The following ABCA5 variants were observed in gnomAD, a reference collection of about 807,000 sequenced individuals.
ABCA5 encodes the protein ATP binding cassette subfamily A member 5, also known as cholesterol transporter ABCA5.
A neutral mutation model predicts 206.0 loss-of-function variants in ABCA5; 163 were observed. The ratio of observed to expected loss-of-function variants is 0.79; its 90% confidence interval spans 0.70 to 0.90. The LOEUF (loss-of-function observed/expected upper bound fraction) is 0.90. ABCA5 is among the 40% of genes least tolerant of loss of function. ABCA5 has a pLI of 0.00. For synonymous variants in ABCA5, 609 were observed against 613.8 expected, an observed-to-expected ratio of 0.99 and a Z score of 0.11; for missense variants, 1,859 against 1,912.9, an observed-to-expected ratio of 0.97 and a Z score of 0.53.
At position 69,294,673 on chromosome 17, in the gene ABCA5, T is replaced by C. The variant is rs1225389096; in HGVS notation, c.1477A>G (p.Asn493Asp). Residue 493 changes from asparagine to aspartate, a missense_variant, in exon 11 of 39, where the codon AAT becomes GAT. By Grantham distance (23) the Asn-to-Asp change is conservative. Coordinates refer to ENST00000392676, the MANE Select transcript of ABCA5 (RefSeq NM_172232.4). ...IQKTYRKKGE[N>D]VEALRNLSFD... The stretch of plus-strand genomic sequence containing the variant: ...TACTTACTTCTCAAAGCCTCCACAT[T>C]TTCACCCTTCTTTCTGTATGTCTTC... 6.2e-7 allele frequency: 1 copy of C among 1,607,020 alleles called. No homozygotes were observed. Among genetic ancestry groups the C allele is most frequent in the East Asian group, 2.2e-5 (1 of 44,744 alleles).
intron 10 of ABCA5, among the ~76,000 whole-genome samples, chr17:69,294,966 A>G (rs531885189): frequency 1.5e-3 from 234 of 152,282 alleles, no homozygotes; most frequent in Non-Finnish European, 2.9e-3. Context: ...TTAATCCCCT[A>G]AAACTAATCT....
chr17:69,303,813 C>CAT (rs1400825300), intron 7 of ABCA5, among the ~76,000 whole-genome samples: 1 of 3,854 alleles, frequency 2.6e-4, no homozygotes, highest in African/African-American at 3.5e-4. Context: ...TATATACATA[C>CAT]ATATATATAT....
In ABCA5 at chr17:69,244,399, T is replaced by C. The variant is rs2074928070; in HGVS notation, c.*3138A>G. The C allele has an allele frequency of 6.6e-6, 1 of 152,040 alleles. No individual in the cohort carries two copies. Among genetic ancestry groups the C allele is most frequent in the South Asian group, 2.1e-4 (1 of 4,832 alleles). The allele number at this position is 152,040 out of a possible 1,614,324, so 9.4% of individuals were successfully genotyped here. A position where few individuals can be genotyped will look rare whatever the true frequency, so the allele number is the denominator to read the frequency against. ...AAATAACAAAGAATTCACTTCAGTATACAAAATGACTTGTCTTAAATTTTC... is the reference window on the plus strand; with the variant it reads ...AAATAACAAAGAATTCACTTCAGTACACAAAATGACTTGTCTTAAATTTTC... On this transcript the variant is annotated 3_prime_UTR_variant, in exon 39 of 39. Transcript: ENST00000392676.
chr17:69,279,235 A>T, intron 18 of ABCA5, among the ~76,000 whole-genome samples: 1 of 152,150 alleles, frequency 6.6e-6, no homozygotes, highest in Non-Finnish European at 1.5e-5. Flanking sequence ...ATTCCTATAC[A>T]CCAACAACAG....
chr17:69,258,732 A>T (rs952897140), intron 28 of ABCA5, among the ~76,000 whole-genome samples: 4 of 147,766 alleles, frequency 2.7e-5, no homozygotes, highest in African/African-American at 4.9e-5. Flanking sequence ...ATATGGAATA[A>T]ATATGTAGTA....
chr17:69,309,236 T>G, intron 4 of ABCA5, 26 bp downstream of exon 4: 1 of 1,502,224 alleles, frequency 6.7e-7, no homozygotes, highest in South Asian at 1.3e-5. Context: ...TTAATTGATC[T>G]TCAATGATTA....
chr17:69,276,310 A>T (rs907922952), intron 19 of ABCA5, among the ~76,000 whole-genome samples: 1 of 152,024 alleles, frequency 6.6e-6, no homozygotes, highest in Admixed American at 6.5e-5. Context: ...GATGGCCTTG[A>T]TCTCCTGACC....
chr17:69,289,360 T>C (rs1319889003), intron 13 of ABCA5, 64 bp from the exon 14 acceptor site: 42 of 1,240,468 alleles, frequency 3.4e-5, no homozygotes, highest in Non-Finnish European at 3.4e-5. Context: ...ATTATCAATA[T>C]TACTTTTTAA....
At chr17:69,278,235 A>C (rs1204158755) in intron 18 of ABCA5, among the ~76,000 whole-genome samples, 1 of 152,176 alleles carries the variant, frequency 6.6e-6, no homozygotes, top group Non-Finnish European at 1.5e-5. Context: ...TGCAAAGGAG[A>C]CACATGGTAT....
At chr17:69,297,545 A>G in intron 9 of ABCA5, among the ~76,000 whole-genome samples, 186 bp from the exon 10 acceptor site, 1 of 152,356 alleles carries the variant, frequency 6.6e-6, no homozygotes. Context: ...AAAAGTAATA[A>G]GTAAATAAAG....
In ABCA5 at chr17:69,308,378, G is replaced by T. The variant is rs773222965; in HGVS notation, c.470-10C>A. 1 of 1,590,820 alleles carries T rather than the reference G, an allele frequency of 6.3e-7. No individual in the cohort carries two copies. Reference sequence around the variant, plus strand: ...GATTTTGAACAGCCAGCTATGGGGGGAAGAATATGAGATCTAAGATTCTGT... The same window carrying T: ...GATTTTGAACAGCCAGCTATGGGGGTAAGAATATGAGATCTAAGATTCTGT... On this transcript the variant is annotated splice_polypyrimidine_tract_variant and intron_variant, in intron 4 of 38. Transcript: ENST00000392676.
Position 69,254,458 on chromosome 17 carries a change from A to T in ABCA5, c.4101T>A (p.Ser1367Arg). 1 of 1,611,992 alleles carries T rather than the reference A, an allele frequency of 6.2e-7. No homozygotes were observed. The highest frequency in any genetic ancestry group is 8.5e-7 in the Non-Finnish European group (1 of 1,179,370). Reference sequence around the variant, plus strand: ...TACACTTCAGTGAATCATCATCTTCACTTGTCTCTGAAGAATAATCTCCTA... The same window carrying T: ...TACACTTCAGTGAATCATCATCTTCTCTTGTCTCTGAAGAATAATCTCCTA... ...VFLGDYSSET[S>R]EDDDSLKCMG... is the part of the protein sequence containing the mutation. Residue 1367 changes from serine to arginine, a missense_variant, in exon 32 of 39, where the codon AGT becomes AGA. Physicochemically the swap from Ser to Arg is moderately radical, Grantham distance 110. Coordinates refer to ENST00000392676, the MANE Select transcript of ABCA5 (RefSeq NM_172232.4).
intron 18 of ABCA5, among the ~76,000 whole-genome samples, chr17:69,279,072 A>G (rs1400802661): frequency 3.8e-4 from 58 of 151,786 alleles, no homozygotes; most frequent in African/African-American, 1.3e-3. Flanking sequence ...AGGGTATTCA[A>G]TTAGGAAAAG....
chr17:69,323,659 C>A (rs2075880391), intron 1 of ABCA5, among the ~76,000 whole-genome samples: 1 of 152,062 alleles, frequency 6.6e-6, no homozygotes, highest in Non-Finnish European at 1.5e-5. Flanking sequence ...ACCATGAGAT[C>A]CTTGATGAAA....
In ABCA5 at chr17:69,304,795, A is replaced by C. The variant is rs2145020712; in HGVS notation, c.804T>G (p.Leu268=). ...HDTAFWLSWV[L]LYTSLIFLMS... is the part of the protein sequence containing the mutation. Reference sequence around the variant, plus strand: ...TAAGAAAAATTAAACTTGTATATAGAAGAACCCAGGAAAGCCTAAAATGAG... The same window carrying C: ...TAAGAAAAATTAAACTTGTATATAGCAGAACCCAGGAAAGCCTAAAATGAG... The change falls in exon 7 of 39, where the codon CTT becomes CTG. Residue 268 remains leucine (L), a synonymous_variant. Transcript: ENST00000392676. 6.3e-7 allele frequency: 1 copy of C among 1,599,356 alleles called. No individual in the cohort carries two copies. Among genetic ancestry groups the C allele is most frequent in the Admixed American group, 1.7e-5 (1 of 57,392 alleles).
rs1170341489 is a variant in ABCA5 at position 69,245,784 on chromosome 17, G to A, written c.*1753C>T. ...TTGCACCAATTACACATTCACAAATGTAAAGTGAAAGTTACCAAATCTACG... is the reference window on the plus strand; with the variant it reads ...TTGCACCAATTACACATTCACAAATATAAAGTGAAAGTTACCAAATCTACG... On this transcript the variant is annotated 3_prime_UTR_variant, in exon 39 of 39. Coordinates refer to ENST00000392676, the MANE Select transcript of ABCA5 (RefSeq NM_172232.4). 1 of 151,956 alleles carries A rather than the reference G, an allele frequency of 6.6e-6. No individual in the cohort carries two copies. The highest frequency in any genetic ancestry group is 1.5e-5 in the Non-Finnish European group (1 of 67,842). The allele number at this position is 151,956 out of a possible 1,614,324, so 9.4% of individuals were successfully genotyped here.
chr17:69,295,973 T>C (rs1228508245), intron 10 of ABCA5, among the ~76,000 whole-genome samples: 1 of 152,230 alleles, frequency 6.6e-6, no homozygotes, highest in Non-Finnish European at 1.5e-5. Context: ...AAAAGCATAG[T>C]ATTCCTTTCC....
At chr17:69,257,199 T>C (rs1402765157) in intron 28 of ABCA5, among the ~76,000 whole-genome samples, 1 of 151,984 alleles carries the variant, frequency 6.6e-6, no homozygotes, top group Non-Finnish European at 1.5e-5. Flanking sequence ...ACCCTGTCTC[T>C]ACTAAAAAAT....
At chr17:69,270,097 C>A (rs2075255639) in intron 22 of ABCA5, among the ~76,000 whole-genome samples, 1 of 151,952 alleles carries the variant, frequency 6.6e-6, no homozygotes, top group Non-Finnish European at 1.5e-5. Flanking sequence ...TTCAATGAAG[C>A]TGTTTTTAAA....
Sources: gnomAD v4.1 joint callset for allele counts (sites outside exome capture counted in the v4.1 genomes callset) on GRCh38, gnomAD v4.1.1 for gene constraint, MANE v1.5 for transcripts, NCBI Gene and HGNC (gene_info 2026-07-23, HGNC 2026-07-21) for gene names.